Variants in ARSG observed in about 807,000 individuals in gnomAD.
The protein encoded by ARSG is arylsulfatase G.
ARSG carries 37 observed loss-of-function variants against 50.5 expected under a neutral mutation model. That is an observed-to-expected ratio of 0.73 (90% CI 0.56 to 0.96). The LOEUF (loss-of-function observed/expected upper bound fraction) is 0.96. ARSG is among the 50% of genes least tolerant of loss of function. The probability of loss-of-function intolerance (pLI) is 0.00; values close to 1 mark genes in which losing one functional copy is unlikely to be tolerated. For synonymous variants in ARSG, 225 were observed against 254.6 expected (o/e 0.88, Z 1.11); for missense variants, 629 against 675.3 (o/e 0.93, Z 0.76).
intron 2 of ARSG, among the ~76,000 whole-genome samples, chr17:68,322,615 C>CA (rs1171513916): frequency 3.4e-5 from 5 of 145,732 alleles, no homozygotes; most frequent in African/African-American, 1.0e-4. Flanking sequence ...GACTCCGTCT[C>CA]AAAAAAATAA....
At chr17:68,398,226 TTA>T (rs1164200889) in intron 10 of ARSG, among the ~76,000 whole-genome samples, 2 of 152,240 alleles carry the variant, frequency 1.3e-5, no homozygotes, top group Non-Finnish European at 2.9e-5. Context: ...ATATGCATGC[TTA>T]TGTTTATACA....
chr17:68,342,259 C>T (rs1387583451), intron 2 of ARSG, among the ~76,000 whole-genome samples: 1 of 151,802 alleles, frequency 6.6e-6, no homozygotes, highest in Non-Finnish European at 1.5e-5. Flanking sequence ...TATTTTCATT[C>T]ACTAGTTAAA....
rs752786040 is a variant in ARSG at position 68,367,703 on chromosome 17, A to C, written c.705-845A>C. On this transcript the variant is annotated intron_variant, in intron 6 of 11. Coordinates refer to ENST00000621439, the MANE Select transcript of ARSG (RefSeq NM_001267727.2). This position sits in a 1 kb window ranked among gnomAD's most constrained non-coding sequence, Gnocchi z 4.5. ...AAGGCCTCTGACAGATCCCTGATCT[A>C]GATGTTACCTGGTGGTCATATGTGT... Among the ~76,000 whole-genome samples, 2 of 152,218 alleles carry C rather than the reference A, an allele frequency of 1.3e-5. No homozygotes were observed. Among genetic ancestry groups the C allele is most frequent in the Non-Finnish European group, 2.9e-5 (2 of 68,042 alleles).
intron 4 of ARSG, among the ~76,000 whole-genome samples, chr17:68,348,651 A>G (rs1440764852): frequency 3.3e-5 from 5 of 152,042 alleles, no homozygotes. Context: ...TCCGCCTCCC[A>G]GGTTCAAGTG....
intron 9 of ARSG, among the ~76,000 whole-genome samples, chr17:68,393,417 T>C (rs765748516): frequency 6.6e-6 from 1 of 152,116 alleles, no homozygotes; most frequent in Non-Finnish European, 1.5e-5. Flanking sequence ...GTTATCAGAT[T>C]GATTGTCGAG....
intron 4 of ARSG, among the ~76,000 whole-genome samples, 180 bp from the exon 5 acceptor site, chr17:68,351,395 C>T (rs968423398): frequency 6.6e-6 from 1 of 152,142 alleles, no homozygotes. Flanking sequence ...AGCCAGAACC[C>T]AGCAAAGTGA....
At chr17:68,388,001 T>C (rs186571624) in intron 9 of ARSG, among the ~76,000 whole-genome samples, 3 of 152,300 alleles carry the variant, frequency 2.0e-5, no homozygotes, top group African/African-American at 7.2e-5. Flanking sequence ...AGAAGGGTCT[T>C]GCACGTGACC....
chr17:68,424,611 C>G, downstream of ARSG: 1 of 462,514 alleles, frequency 2.2e-6, no homozygotes, highest in Non-Finnish European at 4.4e-6. Flanking sequence ...TGCGGCGGTT[C>G]ACGCCTGTAA....
Position 68,420,522 on chromosome 17 carries a change from A to G in ARSG, c.*59A>G. On this transcript the variant is annotated 3_prime_UTR_variant, in exon 12 of 12. Transcript: ENST00000621439. ...TGGAAATTAGGCAAGTTTGCTTCCA[A>G]ATTTCATTTTTACCCTCTTTACAAA... 2 of 1,567,646 alleles carry G rather than the reference A, an allele frequency of 1.3e-6. No homozygotes were observed. The highest frequency in any genetic ancestry group is 1.7e-6 in the Non-Finnish European group (2 of 1,148,546).
At chr17:68,448,241 A>G in the ARSG span, 2 of 152,170 alleles carry the variant, frequency 1.3e-5, 1 homozygote. Flanking sequence ...GAGTTGCTTA[A>G]ACCAAAATTT....
At chr17:68,400,371 G>A (rs115293086) in intron 10 of ARSG, 110 of 152,284 alleles carry the variant, frequency 7.2e-4, no homozygotes, top group African/African-American at 2.5e-3. Context: ...AAATATAGTC[G>A]GATTGAGTCA....
intron 9 of ARSG, among the ~76,000 whole-genome samples, chr17:68,390,779 A>G (rs1161653334): frequency 1.3e-5 from 2 of 152,046 alleles, no homozygotes; most frequent in Non-Finnish European, 2.9e-5. Context: ...GCCTGCCACC[A>G]TGCCTGGCTA....
intron 10 of ARSG, among the ~76,000 whole-genome samples, chr17:68,396,036 T>C (rs1280415631): frequency 1.4e-5 from 2 of 144,858 alleles, no homozygotes; most frequent in Non-Finnish European, 3.0e-5. Flanking sequence ...TGAGATGGAG[T>C]CTTGCTCTGT....
chr17:68,373,848 G>A (rs1358894410), intron 8 of ARSG, among the ~76,000 whole-genome samples: 1 of 152,000 alleles, frequency 6.6e-6, no homozygotes, highest in Non-Finnish European at 1.5e-5. Flanking sequence ...ACTGGAGGTG[G>A]ATGGGGGTGT....
At chr17:68,310,397 G>A (rs1555766322) in intron 2 of ARSG, among the ~76,000 whole-genome samples, 3 of 152,162 alleles carry the variant, frequency 2.0e-5, no homozygotes, top group South Asian at 2.1e-4. Flanking sequence ...TATGAAAGGC[G>A]TGGCTTACAC....
chr17:68,428,815 A>T, the ARSG span: 1 of 1,599,762 alleles, frequency 6.3e-7, no homozygotes, highest in Non-Finnish European at 8.6e-7. Flanking sequence ...TCTTTTGAAA[A>T]GCAGTCTCTT....
chr17:68,319,187 T>C (rs1044119097), intron 2 of ARSG, among the ~76,000 whole-genome samples: 1 of 152,166 alleles, frequency 6.6e-6, no homozygotes, highest in African/African-American at 2.4e-5. Flanking sequence ...TTCAGCTGTA[T>C]TCCTAACCCT....
chr17:68,430,265 A>AGAG, the ARSG span: 2 of 1,181,076 alleles, frequency 1.7e-6, no homozygotes, highest in Non-Finnish European at 2.4e-6. Flanking sequence ...CGCAGCAGGG[A>AGAG]GAGACTGTGC....
Position 68,354,748 on chromosome 17 carries a change from G to C in ARSG, c.567-1919G>C, listed in dbSNP as rs187872219. On this transcript the variant is annotated intron_variant, in intron 5 of 11. Transcript: ENST00000621439. ...AAAATACAAAAATTAGCCAGGTGTG[G>C]TGGCACACACCTATAGTCTCAGCTG... Among the ~76,000 whole-genome samples, 238 of 152,056 alleles carry C rather than the reference G, an allele frequency of 1.6e-3. 1 individual carries two copies. The highest frequency in any genetic ancestry group is 5.5e-3 in the African/African-American group (227 of 41,492).
Sources: allele counts gnomAD v4.1 joint callset (sites outside exome capture counted in the v4.1 genomes callset), GRCh38; gene constraint gnomAD v4.1.1; non-coding constraint Gnocchi (gnomAD v3.1); transcripts MANE v1.5; gene names NCBI Gene and HGNC (gene_info 2026-07-23, HGNC 2026-07-21).